Variants in ZNF107 observed in about 807,000 individuals in gnomAD.
ZNF107 encodes the protein C2H2 type zinc-finger protein.
A neutral mutation model predicts 12.3 loss-of-function variants in ZNF107; 19 were observed. That is an observed-to-expected ratio of 1.55 (90% CI 1.08 to 2.27). The LOEUF is 2.27. ZNF107 is among the 30% of genes most tolerant of loss of function. The pLI is 0.00. For missense variants in ZNF107, 958 were observed against 979.9 expected (o/e 0.98, Z 0.30); for synonymous variants, 317 against 330.5 (o/e 0.96, Z 0.44).
At chr7:64,690,230 A>G (rs1790069609) in intron 1 of ZNF107, 1 of 331,766 alleles carries the variant, frequency 3.0e-6, no homozygotes, top group African/African-American at 2.5e-5. Context: ...TACTTTGCTA[A>G]GAATACATAT....
intron 3 of ZNF107, among the ~76,000 whole-genome samples, chr7:64,698,188 C>T (rs139519969): frequency 9.6e-4 from 146 of 152,038 alleles, no homozygotes; most frequent in African/African-American, 3.4e-3. Flanking sequence ...CTTTCAGTTG[C>T]GTTTTCTAAT....
In ZNF107 at chr7:64,691,910, A is replaced by G. The variant is rs1251463557; in HGVS notation, c.176A>G (p.Lys59Arg). 2 of 1,528,588 alleles carry G rather than the reference A, an allele frequency of 1.3e-6. No individual in the cohort carries two copies. The highest frequency in any genetic ancestry group is 1.7e-6 in the Non-Finnish European group (2 of 1,144,028). The allele number at this position is 1,528,588 out of a possible 1,614,324, so 94.7% of individuals were successfully genotyped here. A position where few individuals can be genotyped will look rare whatever the true frequency, so the allele number is the denominator to read the frequency against. Residue 59 changes from lysine to arginine, a missense_variant, in exon 3 of 4, where the codon AAA becomes AGA. Lys to Arg is a conservative substitution (Grantham distance 26). Transcript: ENST00000620827. ...KPYLITCLEQ[K>R]KEPWNIKRHE... ...TATCTGATCACCTGTCTGGAGCAAA[A>G]AAAAGAGCCCTGGAATATAAAAAGA...
chr7:64,693,089 C>T (rs1003675876), intron 3 of ZNF107, among the ~76,000 whole-genome samples: 11 of 151,846 alleles, frequency 7.2e-5, no homozygotes, highest in African/African-American at 2.7e-4. Flanking sequence ...AACTCTGCCT[C>T]CCGGGTTCAC....
chr7:64,673,372 A>G (rs1446451683), intron 1 of ZNF107, among the ~76,000 whole-genome samples: 3 of 152,206 alleles, frequency 2.0e-5, no homozygotes, highest in Admixed American at 6.5e-5. Context: ...TTTTAGCCAC[A>G]TGTATGTCTT....
intron 3 of ZNF107, among the ~76,000 whole-genome samples, chr7:64,702,407 T>C (rs1790505033): frequency 6.6e-6 from 1 of 152,184 alleles, no homozygotes; most frequent in African/African-American, 2.4e-5. Context: ...AGTGCTGGGA[T>C]TACAGGCGTG....
chr7:64,691,556 T>C (rs1790119177), intron 2 of ZNF107, among the ~76,000 whole-genome samples, 182 bp downstream of exon 2: 1 of 152,212 alleles, frequency 6.6e-6, no homozygotes, highest in East Asian at 1.9e-4. Flanking sequence ...CATCTTGACC[T>C]GAACTTTTCA....
chr7:64,693,787 T>G (rs1322591793), intron 3 of ZNF107, among the ~76,000 whole-genome samples: 1 of 151,912 alleles, frequency 6.6e-6, no homozygotes, highest in African/African-American at 2.4e-5. Flanking sequence ...ACTGTGTGGG[T>G]TTTTTGTTTG....
At chr7:64,680,149 C>G (rs1403998766) in intron 1 of ZNF107, among the ~76,000 whole-genome samples, 16 of 152,074 alleles carry the variant, frequency 1.1e-4, no homozygotes, top group Non-Finnish European at 1.5e-5. Context: ...CTTCTAATCC[C>G]CCTCCTCCCA....
At chr7:64,702,808 C>T (rs1790520577) in intron 3 of ZNF107, among the ~76,000 whole-genome samples, 1 of 152,164 alleles carries the variant, frequency 6.6e-6, no homozygotes, top group Non-Finnish European at 1.5e-5. Context: ...ATTTGTCTGC[C>T]TCAGCCTCCC....
rs368232479 is a variant in ZNF107 at position 64,707,934 on chromosome 7, A to G, written c.1837A>G (p.Ile613Val). 3.1e-6 allele frequency: 5 copies of G among 1,613,470 alleles called. No individual in the cohort carries two copies. Among genetic ancestry groups the G allele is most frequent in the Non-Finnish European group, 4.2e-6 (5 of 1,179,762 alleles). ...GTCCTCACACCGTACTATACATAAA[A>G]TTATTCATACTGGAGAGAAACCCTA... ...KQSSHRTIHKIIHTGEKPYKC... is the reference protein window; with the variant it reads ...KQSSHRTIHKVIHTGEKPYKC... Residue 613 changes from isoleucine (I) to valine (V), a missense_variant, in exon 4 of 4, where the codon ATT (isoleucine) becomes GTT (valine). Ile to Val is a conservative substitution (Grantham distance 29). Transcript: ENST00000620827.
At chr7:64,698,074 G>T (rs1165336437) in intron 3 of ZNF107, among the ~76,000 whole-genome samples, 2 of 152,132 alleles carry the variant, frequency 1.3e-5, no homozygotes, top group African/African-American at 2.4e-5. Context: ...AACAGATTTG[G>T]TGTCTTTAAA....
Position 64,711,422 on chromosome 7 carries a change from C to G in ZNF107, c.*2766C>G, listed in dbSNP as rs938411048. 3 of 152,174 alleles carry G rather than the reference C, an allele frequency of 2.0e-5. No individual in the cohort carries two copies. Among genetic ancestry groups the G allele is most frequent in the African/African-American group, 7.2e-5 (3 of 41,452 alleles). The allele number at this position is 152,174 out of a possible 1,614,324, so 9.4% of individuals were successfully genotyped here. On this transcript the variant is annotated 3_prime_UTR_variant, in exon 4 of 4. Transcript: ENST00000620827. The stretch of plus-strand genomic sequence containing the variant: ...CAAAAGATGTATCCATCAACTCCAG[C>G]ATTTCTCCTTTGTATTACAAACCAA...
chr7:64,687,357 G>A, intron 1 of ZNF107: 3 of 985,404 alleles, frequency 3.0e-6, no homozygotes, highest in Non-Finnish European at 3.6e-6. Flanking sequence ...TTGTGAAGGT[G>A]CAATTCTACC....
Position 64,691,924 on chromosome 7 carries a change from A to C in ZNF107, c.190A>C (p.Asn64His). ...TCLEQKKEPW[N>H]IKRHEMVAKP... is the part of the protein sequence containing the mutation. ...TCTGGAGCAAAAAAAAGAGCCCTGG[A>C]ATATAAAAAGACATGAGATGGTAGC... Residue 64 changes from asparagine (N) to histidine (H), a missense_variant, in exon 3 of 4, where the codon AAT becomes CAT. By Grantham distance (68) the Asn-to-His change is moderately conservative. Coordinates refer to ENST00000620827, the MANE Select transcript of ZNF107 (RefSeq NM_001282359.2). 3.9e-6 allele frequency: 6 copies of C among 1,534,178 alleles called. No individual in the cohort carries two copies. Among genetic ancestry groups the C allele is most frequent in the Non-Finnish European group, 5.2e-6 (6 of 1,143,994 alleles).
Position 64,691,872 on chromosome 7 carries a change from T to C in ZNF107, c.138T>C (p.Ala46=). Residue 46 remains alanine, a synonymous_variant, in exon 3 of 4, where the codon GCT becomes GCC. Transcript: ENST00000620827. ...TTATTTTCAATAAAACAGGTATTGC[T>C]GTCTCTAAGCCATATCTGATCACCT... ...NYRNLVFLGI[A]VSKPYLITCL... The C allele has an allele frequency of 6.9e-7, 1 of 1,445,758 alleles. No homozygotes were observed. The highest frequency in any genetic ancestry group is 1.9e-4 in the Middle Eastern group (1 of 5,368). 89.6% of individuals were successfully genotyped at this position (1,445,758 alleles called of 1,614,324 possible). A position where few individuals can be genotyped will look rare whatever the true frequency, so the allele number is the denominator to read the frequency against.
chr7:64,704,061 C>T (rs762113133), intron 3 of ZNF107, among the ~76,000 whole-genome samples: 2 of 151,626 alleles, frequency 1.3e-5, no homozygotes, highest in East Asian at 1.9e-4. Flanking sequence ...TTATTCATTA[C>T]GTCTGCCCTC....
intron 1 of ZNF107, among the ~76,000 whole-genome samples, chr7:64,670,438 C>A (rs1349658964): frequency 6.6e-6 from 1 of 152,118 alleles, no homozygotes; most frequent in Non-Finnish European, 1.5e-5. Flanking sequence ...TTGGCTCAGA[C>A]TGAGGGTACC....
rs1338802750 is a variant in ZNF107 at position 64,708,699 on chromosome 7, A to G, written c.*43A>G. ...CTACACATAGGAAAATTCATACTGG[A>G]GAGAAACTACAAATGTGAAGAATGT... On this transcript the variant is annotated 3_prime_UTR_variant, in exon 4 of 4. Coordinates refer to ENST00000620827, the MANE Select transcript of ZNF107 (RefSeq NM_001282359.2). The G allele has an allele frequency of 6.5e-7, 1 of 1,536,250 alleles. No homozygotes were observed. Among genetic ancestry groups the G allele is most frequent in the South Asian group, 1.2e-5 (1 of 82,286 alleles).
intron 3 of ZNF107, among the ~76,000 whole-genome samples, chr7:64,703,653 T>G (rs183811218): frequency 1.0e-3 from 156 of 152,228 alleles, no homozygotes; most frequent in African/African-American, 3.5e-3. Flanking sequence ...GGTCTTGAAC[T>G]CCTGACCTCA....
Sources: gnomAD v4.1 joint callset for allele counts (sites outside exome capture counted in the v4.1 genomes callset) on GRCh38, gnomAD v4.1.1 for gene constraint, MANE v1.5 for transcripts, NCBI Gene and HGNC (gene_info 2026-07-23, HGNC 2026-07-21) for gene names.